The following SUPT16H variants were observed in gnomAD, a reference collection of about 807,000 sequenced individuals.
SUPT16H encodes SPT16 homolog, facilitates chromatin remodeling subunit.
In SUPT16H, 24 loss-of-function variants were observed where a neutral mutation model predicts 136.2. The observed-to-expected ratio is 0.18, with a 90% CI of 0.13 to 0.25. SUPT16H has a LOEUF of 0.25. Ranked by LOEUF, SUPT16H falls within the 10% of genes least tolerant of loss-of-function variation. The pLI, the probability that SUPT16H is intolerant of heterozygous loss-of-function variation, is 1.00. For missense variants in SUPT16H, 623 were observed against 1,270.2 expected (o/e 0.49, Z 7.74); for synonymous variants, 415 against 428.2 (o/e 0.97, Z 0.38).
chr14:21,376,825 A>C (rs1886912126), intron 1 of SUPT16H, among the ~76,000 whole-genome samples: 1 of 152,204 alleles, frequency 6.6e-6, no homozygotes. Flanking sequence ...GTTATAAATA[A>C]AGCACTTCTG....
chr14:21,372,162 A>C, intron 2 of SUPT16H, 118 bp from the exon 3 acceptor site: 1 of 1,208,020 alleles, frequency 8.3e-7, no homozygotes, highest in Non-Finnish European at 1.1e-6. Context: ...ACTCCAAGGT[A>C]ATCAGGCTGG....
At chr14:21,381,121 A>T (rs1316723046) in intron 1 of SUPT16H, among the ~76,000 whole-genome samples, 1 of 152,078 alleles carries the variant, frequency 6.6e-6, no homozygotes, top group Non-Finnish European at 1.5e-5. Flanking sequence ...ATAAAACAAT[A>T]GTACGTTCTA....
rs757786394 is a variant in SUPT16H, at chr14:21,353,546, C to T, written c.2940G>A (p.Leu980=). The change falls in exon 25 of 26, where the codon TTG becomes TTA. Residue 980 remains leucine, a synonymous_variant. Transcript: ENST00000216297. ...AEESDYSKES[L]GSEEESGKDW... The stretch of plus-strand genomic sequence containing the variant: ...CCTTTCCACTCTCTTCTTCACTACC[C>T]AATGACTCCTTAGAATAGTCTGGAA... 1 of 1,614,036 alleles carries T rather than the reference C, an allele frequency of 6.2e-7. No individual in the cohort carries two copies. The highest frequency in any genetic ancestry group is 1.3e-5 in the African/African-American group (1 of 74,940).
chr14:21,367,646 G>A (rs1332271477), intron 7 of SUPT16H, among the ~76,000 whole-genome samples: 7 of 152,188 alleles, frequency 4.6e-5, no homozygotes, highest in Non-Finnish European at 1.0e-4. Flanking sequence ...CCTGTAGGTA[G>A]AGATACTAGT....
At chr14:21,383,750 G>A (rs751917951) in intron 1 of SUPT16H, 112 bp downstream of exon 1, 1 of 1,244,850 alleles carries the variant, frequency 8.0e-7, no homozygotes, top group Admixed American at 1.8e-5. Flanking sequence ...AAAAGGGTGA[G>A]GCACAGAACC....
Position 21,365,143 on chromosome 14 carries a change from C to T in SUPT16H, c.1047G>A (p.Gly349=), listed in dbSNP as rs1267175970. ...ELLNKITKNL[G]FGMGIEFREG... is the part of the protein sequence containing the mutation. ...CACGGAATTCAATTCCCATCCCAAA[C>T]CTGAAAAGAAACAGATAAACATCAG... The change falls in exon 9 of 26, where the codon GGG becomes GGA. Residue 349 remains glycine, a splice_region_variant and synonymous_variant. Coordinates refer to ENST00000216297, the MANE Select transcript of SUPT16H (RefSeq NM_007192.4). 3.1e-6 allele frequency: 5 copies of T among 1,613,386 alleles called. No homozygotes were observed. Among genetic ancestry groups the T allele is most frequent in the Non-Finnish European group, 4.2e-6 (5 of 1,179,638 alleles).
At chr14:21,380,059 T>A (rs561268841) in intron 1 of SUPT16H, among the ~76,000 whole-genome samples, 3 of 152,196 alleles carry the variant, frequency 2.0e-5, no homozygotes, top group Non-Finnish European at 2.9e-5. Flanking sequence ...TACTGAAAAT[T>A]AAAATGGCCA....
chr14:21,363,796 A>C (rs1416064191), intron 10 of SUPT16H, among the ~76,000 whole-genome samples: 1 of 152,110 alleles, frequency 6.6e-6, no homozygotes, highest in East Asian at 1.9e-4. Context: ...CTCCTGCCTC[A>C]GCCTCCCGAG....
At chr14:21,369,424 G>C in intron 5 of SUPT16H, 69 bp from the exon 6 acceptor site, 1 of 1,575,630 alleles carries the variant, frequency 6.3e-7, no homozygotes, top group Non-Finnish European at 8.7e-7. Context: ...TGGACACTAT[G>C]ATTTGAAGAC....
rs1566390829 is a variant in SUPT16H, at chr14:21,370,505, G to A, written c.331-17C>T. 2 of 1,612,882 alleles carry A rather than the reference G, an allele frequency of 1.2e-6. No individual in the cohort carries two copies. Among genetic ancestry groups the A allele is most frequent in the East Asian group, 2.2e-5 (1 of 44,856 alleles). ...ACTTTCATTCTGTCAGTGTCATAGG[G>A]AAGAAAAGACACATATGTTTTACCA... is the stretch of plus-strand genomic sequence containing the variant. On this transcript the variant is annotated splice_polypyrimidine_tract_variant and intron_variant, in intron 3 of 25. Coordinates refer to ENST00000216297, the MANE Select transcript of SUPT16H (RefSeq NM_007192.4).
Position 21,360,412 on chromosome 14 carries a change from T to A in SUPT16H, c.2175+3A>T. 6.2e-7 allele frequency: 1 copy of A among 1,602,558 alleles called. No individual in the cohort carries two copies. Among genetic ancestry groups the A allele is most frequent in the Non-Finnish European group, 8.5e-7 (1 of 1,170,374 alleles). On this transcript the variant is annotated splice_donor_region_variant and intron_variant, in intron 18 of 25. Coordinates refer to ENST00000216297, the MANE Select transcript of SUPT16H (RefSeq NM_007192.4). ...TGACAGCTAGTTAAGTAGAAAGGTA[T>A]ACCTTGAGGTGAAAGTGCAAGACAA...
chr14:21,367,567 T>C (rs1188980444), intron 7 of SUPT16H, among the ~76,000 whole-genome samples: 6 of 152,222 alleles, frequency 3.9e-5, no homozygotes, highest in Non-Finnish European at 8.8e-5. Context: ...TTAGAGATAA[T>C]GTGGAAGAAT....
intron 1 of SUPT16H, among the ~76,000 whole-genome samples, chr14:21,375,563 GTT>G (rs1886883289): frequency 1.3e-5 from 2 of 152,026 alleles, no homozygotes. Context: ...AAGCACCAAA[GTT>G]TCTAATTTTG....
rs568038011 is a variant in SUPT16H at position 21,376,234 on chromosome 14, T to C, written c.67-2804A>G. On this transcript the variant is annotated intron_variant, in intron 1 of 25. Transcript: ENST00000216297. Reference sequence around the variant, plus strand: ...TTCCACTCTTCTATATGCCTATCCTTAGGCCAGTACCGTGATGTTTTGATT... The same window carrying C: ...TTCCACTCTTCTATATGCCTATCCTCAGGCCAGTACCGTGATGTTTTGATT... 3.9e-5 allele frequency among the ~76,000 whole-genome samples: 6 copies of C among 152,328 alleles called. No homozygotes were observed. In the East Asian group the frequency reaches 9.6e-4, roughly 24 times the overall value.
In SUPT16H at chr14:21,365,277, G is replaced by A. The variant is rs1886641826; in HGVS notation, c.1047-134C>T. On this transcript the variant is annotated intron_variant, in intron 8 of 25. Transcript: ENST00000216297. ...ATGATTTACCCCTGCTGACCGCTCA[G>A]TTAGAAAAGAGGATTCAAAGACAGT... The A allele has an allele frequency of 5.0e-6, 4 of 793,272 alleles. No homozygotes were observed. The East Asian group carries it at 1.1e-4, about 21-fold the overall frequency. 49.1% of individuals were successfully genotyped at this position (793,272 alleles called of 1,614,324 possible).
chr14:21,358,936 C>G (rs1447948536), intron 19 of SUPT16H, among the ~76,000 whole-genome samples: 1 of 151,054 alleles, frequency 6.6e-6, no homozygotes, highest in Non-Finnish European at 1.5e-5. Context: ...TCCCGAGTAG[C>G]TGGGACTACA....
chr14:21,378,132 G>A (rs1886943979), intron 1 of SUPT16H, among the ~76,000 whole-genome samples: 1 of 151,390 alleles, frequency 6.6e-6, no homozygotes, highest in Non-Finnish European at 1.5e-5. Context: ...CTGAGTGTGA[G>A]AAATTTAGAA....
At chr14:21,376,940 G>GA (rs1886914045) in intron 1 of SUPT16H, among the ~76,000 whole-genome samples, 1 of 152,112 alleles carries the variant, frequency 6.6e-6, no homozygotes, top group Non-Finnish European at 1.5e-5. Flanking sequence ...AGGCATGGTA[G>GA]TAGGCACCTG....
intron 1 of SUPT16H, among the ~76,000 whole-genome samples, chr14:21,381,007 T>G (rs1241755275): frequency 6.6e-6 from 1 of 151,842 alleles, no homozygotes; most frequent in Non-Finnish European, 1.5e-5. Context: ...ACCTGCGATA[T>G]TCTAATAATA....
Sources: allele counts gnomAD v4.1 joint callset (sites outside exome capture counted in the v4.1 genomes callset), GRCh38; gene constraint gnomAD v4.1.1; transcripts MANE v1.5; gene names NCBI Gene and HGNC (gene_info 2026-07-23, HGNC 2026-07-21).